Variants in MARCHF7 observed in about 807,000 individuals in gnomAD.
The protein encoded by MARCHF7 is membrane associated ring-CH-type finger 7, also known as E3 ubiquitin-protein ligase MARCHF7.
In MARCHF7, 20 loss-of-function variants were observed where a neutral mutation model predicts 76.5. The ratio of observed to expected loss-of-function variants is 0.26; its 90% CI spans 0.18 to 0.38. MARCHF7 has a LOEUF of 0.38. Among genes scored for constraint, MARCHF7 ranks in the 10% least tolerant of loss-of-function variants. The probability of loss-of-function intolerance (pLI) is 1.00; values close to 1 mark genes in which losing one functional copy is unlikely to be tolerated. For synonymous variants in MARCHF7, 295 were observed against 293.0 expected (o/e 1.01, Z -0.07); for missense variants, 797 against 812.9 (o/e 0.98, Z 0.24).
rs997695522 is a variant in MARCHF7, at chr2:159,716,240, GA to G, written c.-15+484del. ...ATGTTTACTATGATTTCCCACTAAG[GA>G]AAAAAAAAATTTCCCCAGAAGCAGA... On this transcript the variant is annotated intron_variant, in intron 3 of 11. Transcript: ENST00000409175. Among the ~76,000 whole-genome samples the G allele has an allele frequency of 9.7e-5, 14 of 143,950 alleles. 1 individual carries two copies. The highest frequency in any genetic ancestry group is 7.0e-3 in the Middle Eastern group (2 of 284). 94.4% of individuals were successfully genotyped at this position (143,950 alleles called of 152,430 possible). A position where few individuals can be genotyped will look rare whatever the true frequency, so the allele number is the denominator to read the frequency against.
chr2:159,733,779 T>A (rs978222945), intron 4 of MARCHF7: 3 of 985,320 alleles, frequency 3.0e-6, no homozygotes, highest in Admixed American at 6.1e-5. Flanking sequence ...ACATGGATAT[T>A]TGTGTCAGTT....
At chr2:159,752,782 A>C (rs1271448097) in intron 8 of MARCHF7, among the ~76,000 whole-genome samples, 1 of 152,206 alleles carries the variant, frequency 6.6e-6, no homozygotes. Flanking sequence ...CAAACTGTTT[A>C]CTACTTCATA....
chr2:159,764,209 G>GT (rs904348002), intron 10 of MARCHF7, among the ~76,000 whole-genome samples: 1 of 113,054 alleles, frequency 8.8e-6, no homozygotes, highest in African/African-American at 3.4e-5. Context: ...GTTCTTGGGA[G>GT]TTTTGTGTGT....
Position 159,733,957 on chromosome 2 carries a change from C to T in MARCHF7, c.153+4782C>T, listed in dbSNP as rs1231132894. 3.9e-6 allele frequency: 5 copies of T among 1,275,694 alleles called. No homozygotes were observed. In the Admixed American group the frequency reaches 1.1e-4, roughly 27 times the overall value. The allele number at this position is 1,275,694 out of a possible 1,614,324, so 79.0% of individuals were successfully genotyped here. A position where few individuals can be genotyped will look rare whatever the true frequency, so the allele number is the denominator to read the frequency against. The stretch of plus-strand genomic sequence containing the variant: ...TTGATTTCCTAAATATCTTTCAGTT[C>T]TCAGCCATTTGTAAGCTGCGCTTCA... On this transcript the variant is annotated intron_variant, in intron 4 of 11. Transcript: ENST00000409175.
intron 4 of MARCHF7, chr2:159,733,604 T>A (rs1232265618): frequency 2.0e-6 from 2 of 982,494 alleles, no homozygotes; most frequent in Non-Finnish European, 2.4e-6. Context: ...CTTGGAGACA[T>A]AAAACTTCTG....
rs761035018 is a variant in MARCHF7 at position 159,743,056 on chromosome 2, C to CA, written c.154-4dup. 2 of 1,602,774 alleles carry CA rather than the reference C, an allele frequency of 1.2e-6. No individual in the cohort carries two copies. The highest frequency in any genetic ancestry group is 1.3e-5 in the African/African-American group (1 of 74,456). On this transcript the variant is annotated splice_region_variant and splice_polypyrimidine_tract_variant and intron_variant, in intron 4 of 11. Transcript: ENST00000409175. ...GTTGTTTAAAAAATTTTTTTGAACT[C>CA]ACAGTCTACATCAGCATCAGCATCT...
At chr2:159,725,495 C>G (rs1181859574) in intron 3 of MARCHF7, among the ~76,000 whole-genome samples, 1 of 152,152 alleles carries the variant, frequency 6.6e-6, no homozygotes, top group Non-Finnish European at 1.5e-5. Context: ...TGAGAAGTGT[C>G]TGTTCATATC....
intron 1 of MARCHF7, among the ~76,000 whole-genome samples, chr2:159,712,954 G>C (rs1700401840): frequency 6.6e-6 from 1 of 152,138 alleles, no homozygotes; most frequent in Admixed American, 6.5e-5. Context: ...GCCCTCCTTT[G>C]GCGCGGGGCG....
chr2:159,742,952 C>A, intron 4 of MARCHF7, 109 bp from the exon 5 acceptor site: 3 of 953,944 alleles, frequency 3.1e-6, no homozygotes, highest in Non-Finnish European at 4.7e-6. Context: ...AAAAAAAGAA[C>A]TACGTGGTAG....
Position 159,747,879 on chromosome 2 carries a change from A to G in MARCHF7, c.589A>G (p.Asn197Asp). 2 of 1,614,114 alleles carry G rather than the reference A, an allele frequency of 1.2e-6. No homozygotes were observed. The highest frequency in any genetic ancestry group is 1.1e-5 in the South Asian group (1 of 91,066). Reference sequence around the variant, plus strand: ...AAACTCAATGAGCACTTTACAGTTGAATACATCATCCACAAACCACCAATT... The same window carrying G: ...AAACTCAATGAGCACTTTACAGTTGGATACATCATCCACAAACCACCAATT... ...KENSMSTLQL[N>D]TSSTNHQLPS... The change falls in exon 7 of 12, where the codon AAT becomes GAT. Residue 197 changes from asparagine (N) to aspartate (D), a missense_variant. Physicochemically the swap from Asn to Asp is conservative, Grantham distance 23. Around this residue, in one of 3 missense-constraint regions of MARCHF7, gnomAD observed 643 missense variants for 631.5 expected, o/e 1.02. Coordinates refer to ENST00000409175, the MANE Select transcript of MARCHF7 (RefSeq NM_001282805.2).
In MARCHF7 at chr2:159,748,337, A is replaced by G; in HGVS notation, c.1047A>G (p.Arg349=). ...NRASEASQGF[R]FLRRRWGLSS... ...CATCTGAAGCTTCTCAGGGATTTCG[A>G]TTTCTTAGGCGAAGATGGGGTTTGT... is the stretch of plus-strand genomic sequence containing the variant. Residue 349 remains arginine, a synonymous_variant, in exon 7 of 12, where the codon CGA becomes CGG. Coordinates refer to ENST00000409175, the MANE Select transcript of MARCHF7 (RefSeq NM_001282805.2). 1.9e-6 allele frequency: 3 copies of G among 1,613,586 alleles called. No individual in the cohort carries two copies. The highest frequency in any genetic ancestry group is 1.7e-6 in the Non-Finnish European group (2 of 1,179,974).
At chr2:159,712,958 C>CGGGGCGGCCTCCTCTTGGGCCGT (rs1213307557) in intron 1 of MARCHF7, among the ~76,000 whole-genome samples, 23 of 152,030 alleles carry the variant, frequency 1.5e-4, no homozygotes, top group Non-Finnish European at 4.4e-5. Context: ...TCCTTTGGCG[C>CGGGGCGGCCTCCTCTTGGGCCGT]GGGGCGGCCT....
rs201370657 is a variant in MARCHF7 at position 159,767,723 on chromosome 2, TG to T, written c.*384del. On this transcript the variant is annotated 3_prime_UTR_variant, in exon 12 of 12. Transcript: ENST00000409175. The stretch of plus-strand genomic sequence containing the variant: ...GTTTTACTCTTGCTAGTGAGAAAAG[TG>T]GGACAAAATATACTTTTGAAATAAA... 6.7e-3 allele frequency: 1,034 copies of T among 154,600 alleles called. 10 individuals are homozygous for T. Among genetic ancestry groups the T allele is most frequent in the African/African-American group, 0.023 (974 of 41,646 alleles). 9.6% of individuals were successfully genotyped at this position (154,600 alleles called of 1,614,324 possible). A position where few individuals can be genotyped will look rare whatever the true frequency, so the allele number is the denominator to read the frequency against.
At chr2:159,724,952 G>A (rs954163257) in intron 3 of MARCHF7, among the ~76,000 whole-genome samples, 5 of 152,088 alleles carry the variant, frequency 3.3e-5, no homozygotes, top group East Asian at 1.9e-4. Flanking sequence ...TGTCCTTGGC[G>A]ATAGTTTGCT....
In MARCHF7 at chr2:159,763,010, T is replaced by G. The variant is rs746734068; in HGVS notation, c.2007+17T>G. On this transcript the variant is annotated intron_variant, in intron 10 of 11. Transcript: ENST00000409175. ...CGTGTCCGAGTAAGTAATAATGAAG[T>G]TGGGGAGAGGGAGGGTATGATGCAG... 2 of 1,555,326 alleles carry G rather than the reference T, an allele frequency of 1.3e-6. No homozygotes were observed. Among genetic ancestry groups the G allele is most frequent in the Non-Finnish European group, 1.8e-6 (2 of 1,130,350 alleles).
At chr2:159,748,987 T>C (rs4665112) in intron 7 of MARCHF7, 84 bp downstream of exon 7, 302,350 of 1,230,516 alleles carry the variant, frequency 0.25, 31,139 homozygotes, top group Admixed American at 0.42. Context: ...TCTTTTTTTT[T>C]TTTTTTTTTG....
chr2:159,752,692 G>A (rs1356955341), intron 8 of MARCHF7, 121 bp downstream of exon 8: 2 of 943,830 alleles, frequency 2.1e-6, no homozygotes, highest in Non-Finnish European at 3.0e-6. Flanking sequence ...AATCATTTTT[G>A]AAGTCTCAGC....
chr2:159,768,656 C>A lies in MARCHF7; in HGVS notation c.*1314C>A, dbSNP rs1708027105. ...ATAACCAAGAATTTTATTACAATTT[C>A]AAATCTCATTTTAAGCAATAATATA... On this transcript the variant is annotated 3_prime_UTR_variant, in exon 12 of 12. Transcript: ENST00000409175. 1 of 152,554 alleles carries A rather than the reference C, an allele frequency of 6.6e-6. No homozygotes were observed. Among genetic ancestry groups the A allele is most frequent in the African/African-American group, 2.4e-5 (1 of 41,442 alleles). The allele number at this position is 152,554 out of a possible 1,614,324, so 9.5% of individuals were successfully genotyped here.
At chr2:159,760,708 C>CTTTTTTTT (rs34933843) in intron 9 of MARCHF7, among the ~76,000 whole-genome samples, 2 of 147,394 alleles carry the variant, frequency 1.4e-5, no homozygotes, top group Non-Finnish European at 3.0e-5. Context: ...CAGTTTTTTC[C>CTTTTTTTT]TTTTTTGTTT....
Sources: allele counts gnomAD v4.1 joint callset (sites outside exome capture counted in the v4.1 genomes callset), GRCh38; gene constraint gnomAD v4.1.1; regional missense constraint gnomAD v4.1.1; transcripts MANE v1.5; gene names NCBI Gene and HGNC (gene_info 2026-07-23, HGNC 2026-07-21).